Variants in OXR1 observed in about 807,000 individuals in gnomAD.
OXR1 encodes oxidation resistance 1, also known as oxidation resistance protein 1.
A neutral mutation model predicts 104.6 loss-of-function variants in OXR1; 41 were observed. That is an observed-to-expected ratio of 0.39 (90% CI 0.31 to 0.51). The LOEUF is 0.51. Among genes scored for constraint, OXR1 ranks in the 20% least tolerant of loss-of-function variants. The probability of loss-of-function intolerance (pLI) is 0.77; values close to 1 mark genes in which losing one functional copy is unlikely to be tolerated. For synonymous variants in OXR1, 348 were observed against 348.4 expected, an observed-to-expected ratio of 1.00 and a Z score of 0.01; for missense variants, 955 against 1,031.9, an observed-to-expected ratio of 0.93 and a Z score of 1.02.
chr8:106,447,954 A>G lies in OXR1; in HGVS notation c.24-70989A>G, dbSNP rs983081435. The stretch of plus-strand genomic sequence containing the variant: ...GACATCTAGTACGGGGCTCACAGGT[A>G]ACAGAACTCTGATCAGATCCGCCCC... On this transcript the variant is annotated intron_variant, in intron 2 of 16. Coordinates refer to ENST00000517566, the MANE Select transcript of OXR1 (RefSeq NM_001198533.2). 2.6e-6 allele frequency: 4 copies of G among 1,535,072 alleles called. No homozygotes were observed. The African/African-American group carries it at 4.1e-5, about 16-fold the overall frequency.
At chr8:106,582,183 T>C (rs1818290670) in intron 3 of OXR1, among the ~76,000 whole-genome samples, 1 of 142,106 alleles carries the variant, frequency 7.0e-6, no homozygotes, top group African/African-American at 2.7e-5. Context: ...TTGACATATA[T>C]ATATATATAT....
Position 106,371,970 on chromosome 8 carries a change from C to T in OXR1, c.23+12334C>T, listed in dbSNP as rs536625442. Among the ~76,000 whole-genome samples, 5 of 152,306 alleles carry T rather than the reference C, an allele frequency of 3.3e-5. No homozygotes were observed. In the East Asian group the frequency reaches 7.7e-4, roughly 24 times the overall value. On this transcript the variant is annotated intron_variant, in intron 2 of 16. Transcript: ENST00000517566. ...GGGAGCTTAGCTTGTTAGGCAGTTG[C>T]GAGTCCCAGTGCTGACTGCTGCCTC...
At chr8:106,499,913 A>G (rs950034505) in intron 2 of OXR1, among the ~76,000 whole-genome samples, 9 of 152,210 alleles carry the variant, frequency 5.9e-5, no homozygotes, top group Admixed American at 6.5e-5. Flanking sequence ...TTGCCTGAAT[A>G]ATTAAGCAGC....
intron 3 of OXR1, among the ~76,000 whole-genome samples, chr8:106,521,673 C>T (rs1813273743): frequency 6.6e-6 from 1 of 152,122 alleles, no homozygotes; most frequent in South Asian, 2.1e-4. Flanking sequence ...CCACTATGCC[C>T]TGCTAATTTT....
chr8:106,356,858 A>G (rs1040676807), intron 1 of OXR1, among the ~76,000 whole-genome samples: 15 of 152,124 alleles, frequency 9.9e-5, no homozygotes, highest in African/African-American at 3.4e-4. Context: ...TAATGACCCT[A>G]GGAGAAAAGC....
intron 2 of OXR1, among the ~76,000 whole-genome samples, chr8:106,395,995 A>T (rs10087504): frequency 0.64 from 96,243 of 151,508 alleles, 30,759 homozygotes; most frequent in Middle Eastern, 0.67. Flanking sequence ...TGGAACCATT[A>T]AAGCAGCAAA....
chr8:106,596,985 G>A (rs957420554), intron 3 of OXR1, among the ~76,000 whole-genome samples: 4 of 151,516 alleles, frequency 2.6e-5, no homozygotes, highest in African/African-American at 4.9e-5. Flanking sequence ...CCTGGGAGGC[G>A]GAGGCTGCAG....
chr8:106,470,484 G>C (rs764836364), intron 2 of OXR1, among the ~76,000 whole-genome samples: 3 of 150,208 alleles, frequency 2.0e-5, no homozygotes, highest in African/African-American at 7.5e-5. Flanking sequence ...GGGAAAGACT[G>C]GGGGGTAGAA....
chr8:106,288,456 G>C (rs1276295424), intron 1 of OXR1, among the ~76,000 whole-genome samples: 1 of 151,720 alleles, frequency 6.6e-6, no homozygotes, highest in Non-Finnish European at 1.5e-5. Flanking sequence ...ATGTGGTTCT[G>C]ACCAGAATTG....
chr8:106,739,097 C>T (rs978920742), intron 12 of OXR1, among the ~76,000 whole-genome samples: 1 of 150,814 alleles, frequency 6.6e-6, no homozygotes, highest in African/African-American at 2.5e-5. Context: ...CACACACACA[C>T]ACACACACAC....
At chr8:106,618,153 A>C (rs2130829991) in intron 3 of OXR1, 1 of 1,536,126 alleles carries the variant, frequency 6.5e-7, no homozygotes, top group East Asian at 2.4e-5. Context: ...GTTCGAAGGA[A>C]GGACCTCAGA....
At chr8:106,333,626 A>G (rs1814828962) in intron 1 of OXR1, among the ~76,000 whole-genome samples, 1 of 152,062 alleles carries the variant, frequency 6.6e-6, no homozygotes, top group Non-Finnish European at 1.5e-5. Context: ...TTACACTTAT[A>G]TTTGTGATCT....
chr8:106,668,255 A>G (rs995786947), intron 3 of OXR1, among the ~76,000 whole-genome samples: 3 of 152,186 alleles, frequency 2.0e-5, no homozygotes, highest in Non-Finnish European at 4.4e-5. Context: ...TACAATTGGC[A>G]TAATTTCAGT....
chr8:106,609,493 T>C (rs1277796251), intron 3 of OXR1, among the ~76,000 whole-genome samples: 1 of 152,212 alleles, frequency 6.6e-6, no homozygotes, highest in Non-Finnish European at 1.5e-5. Flanking sequence ...ATTACTTTTT[T>C]ATCGGAAGGA....
At chr8:106,492,877 G>A (rs1453222) in intron 2 of OXR1, among the ~76,000 whole-genome samples, 16,218 of 152,104 alleles carry the variant, frequency 0.11, 937 homozygotes, top group African/African-American at 0.14. Flanking sequence ...AAATAGGAGG[G>A]TCTGTGTTTA....
intron 3 of OXR1, among the ~76,000 whole-genome samples, chr8:106,609,758 T>TC (rs1820672290): frequency 6.6e-6 from 1 of 152,118 alleles, no homozygotes. Context: ...AATATACATT[T>TC]CCTATTTAGA....
At chr8:106,604,113 A>T (rs926911663) in intron 3 of OXR1, among the ~76,000 whole-genome samples, 2 of 152,192 alleles carry the variant, frequency 1.3e-5, no homozygotes, top group Admixed American at 1.3e-4. Context: ...CAGGGATTAA[A>T]TGGGAAAACT....
At chr8:106,281,799 CAA>C (rs59515650) in intron 1 of OXR1, among the ~76,000 whole-genome samples, 3,006 of 62,700 alleles carry the variant, frequency 0.048, 26 homozygotes, top group African/African-American at 0.11. Context: ...GACTCTATCT[CAA>C]AAAAAAAAAA....
chr8:106,419,218 G>A lies in OXR1; in HGVS notation c.23+59582G>A, dbSNP rs1190172794. Among the ~76,000 whole-genome samples the A allele has an allele frequency of 3.3e-5, 5 of 152,262 alleles. No homozygotes were observed. The South Asian group carries it at 6.2e-4, about 19-fold the overall frequency. ...GCTAGAACATGCATCTTACCCTGAC[G>A]AAGCATCTTCCTTCCTCAGAACTCA... On this transcript the variant is annotated intron_variant, in intron 2 of 16. Transcript: ENST00000517566.
Sources: allele counts gnomAD v4.1 joint callset (sites outside exome capture counted in the v4.1 genomes callset), GRCh38; gene constraint gnomAD v4.1.1; transcripts MANE v1.5; gene names NCBI Gene and HGNC (gene_info 2026-07-23, HGNC 2026-07-21).